ARID3B: variants seen among roughly 807,000 people sequenced by gnomAD.
The protein encoded by ARID3B is AT-rich interaction domain 3B.
In ARID3B, 10 loss-of-function variants were observed where a neutral mutation model predicts 51.9. That is an observed-to-expected ratio of 0.19 (90% confidence interval 0.12 to 0.33). ARID3B has a LOEUF of 0.33. Among genes scored for constraint, ARID3B ranks in the 10% least tolerant of loss-of-function variants. The pLI, the probability that ARID3B is intolerant of heterozygous loss-of-function variation, is 1.00. For synonymous variants in ARID3B, 205 were observed against 279.5 expected (o/e 0.73, Z 2.66); for missense variants, 483 against 716.3 (o/e 0.67, Z 3.72).
Position 74,591,680 on chromosome 15 carries a change from A to C in ARID3B, c.1286A>C (p.Glu429Ala). The change falls in exon 7 of 9, where the codon GAG (glutamate) becomes GCG (alanine). Residue 429 changes from glutamate to alanine, a missense_variant. By Grantham distance (107) the Glu-to-Ala change is moderately radical. This residue lies in a region of ARID3B where 265 missense variants were observed against 354.4 expected (regional missense o/e 0.75). Transcript: ENST00000346246. The surrounding 1 kb of genome is among the most constrained non-coding windows in gnomAD (Gnocchi z 5.8). ...AALEQLRERL[E>A]SGEPAEKKAS... ...CTGGAGCAGCTGCGGGAGCGGCTGG[A>C]GTCAGGGGAGCCTGCTGAGAAGAAG... is the stretch of plus-strand genomic sequence containing the variant. The C allele has an allele frequency of 6.2e-7, 1 of 1,610,760 alleles. No individual in the cohort carries two copies. The highest frequency in any genetic ancestry group is 8.5e-7 in the Non-Finnish European group (1 of 1,178,890).
intron 2 of ARID3B, among the ~76,000 whole-genome samples, chr15:74,569,352 A>G (rs977540463): frequency 6.6e-6 from 1 of 152,050 alleles, no homozygotes; most frequent in African/African-American, 2.4e-5. Flanking sequence ...TATTATTATT[A>G]TTATTATTAT....
At chr15:74,581,290 G>A (rs1342457709) in intron 4 of ARID3B, among the ~76,000 whole-genome samples, 1 of 152,228 alleles carries the variant, frequency 6.6e-6, no homozygotes, top group Non-Finnish European at 1.5e-5. Context: ...GGCTTGGTCT[G>A]CTTCAAAGTG....
chr15:74,590,081 G>C, intron 5 of ARID3B, 78 bp downstream of exon 5: 28 of 1,391,496 alleles, frequency 2.0e-5, no homozygotes, highest in Admixed American at 2.7e-5. Flanking sequence ...AGGAAGGAAG[G>C]AAATTCCTTT....
rs559653912 is a variant in ARID3B at position 74,572,944 on chromosome 15, C to T, written c.624+11C>T. The T allele has an allele frequency of 1.5e-4, 248 of 1,614,064 alleles. 6 individuals are homozygous for T. In the South Asian group the frequency reaches 1.7e-3, roughly 11 times the overall value. ...CGAGATTTTGCCAAGGTCTGTAATA[C>T]TTCCTTTGTGATACAGATAGGGGCA... On this transcript the variant is annotated intron_variant, in intron 3 of 8. Transcript: ENST00000346246.
chr15:74,560,221 T>C (rs1208173314), intron 2 of ARID3B, among the ~76,000 whole-genome samples: 1 of 151,354 alleles, frequency 6.6e-6, no homozygotes, highest in African/African-American at 2.4e-5. Context: ...AAAAAATTTA[T>C]ATACAATTTT....
In ARID3B at chr15:74,591,105, T is replaced by G; in HGVS notation, c.882-46T>G. 1 of 1,546,430 alleles carries G rather than the reference T, an allele frequency of 6.5e-7. No individual in the cohort carries two copies. ...CCACCAACCTCAACTGGGTGGTCTCTGGTGCTGTTTTGGATTATTCTCCCT... is the reference window on the plus strand; with the variant it reads ...CCACCAACCTCAACTGGGTGGTCTCGGGTGCTGTTTTGGATTATTCTCCCT... On this transcript the variant is annotated intron_variant, in intron 5 of 8. Coordinates refer to ENST00000346246, the MANE Select transcript of ARID3B (RefSeq NM_006465.4). The surrounding 1 kb of genome is among the most constrained non-coding windows in gnomAD (Gnocchi z 5.8).
At chr15:74,560,971 C>T (rs1370407347) in intron 2 of ARID3B, among the ~76,000 whole-genome samples, 1 of 152,094 alleles carries the variant, frequency 6.6e-6, no homozygotes, top group African/African-American at 2.4e-5. Flanking sequence ...TATTATCAGT[C>T]CTTTTATTTT....
At chr15:74,560,749 T>C (rs1470258872) in intron 2 of ARID3B, among the ~76,000 whole-genome samples, 3 of 152,162 alleles carry the variant, frequency 2.0e-5, no homozygotes, top group Non-Finnish European at 4.4e-5. Context: ...TCACAGAACA[T>C]GTGAGTGTGA....
chr15:74,578,048 A>G (rs1389082292), intron 4 of ARID3B, among the ~76,000 whole-genome samples: 1 of 151,586 alleles, frequency 6.6e-6, no homozygotes, highest in Non-Finnish European at 1.5e-5. Flanking sequence ...TAGTAAAAAC[A>G]GTTTCACCAT....
intron 4 of ARID3B, among the ~76,000 whole-genome samples, chr15:74,582,228 C>T (rs1036580687): frequency 2.6e-5 from 4 of 151,202 alleles, no homozygotes; most frequent in East Asian, 1.9e-4. Flanking sequence ...AGTGCAGTGG[C>T]GCGATTTCGG....
rs371493462 is a variant in ARID3B at position 74,544,216 on chromosome 15, G to A, written c.280G>A (p.Glu94Lys). The change falls in exon 2 of 9, where the codon GAG becomes AAG. Residue 94 changes from glutamate to lysine, a missense_variant. Physicochemically the swap from Glu to Lys is moderately conservative, Grantham distance 56 (BLOSUM62 1). This residue lies in a region of ARID3B where 182 missense variants were observed against 244.5 expected (regional missense o/e 0.74). Coordinates refer to ENST00000346246, the MANE Select transcript of ARID3B (RefSeq NM_006465.4). ...CAACATGAACTCAGAGCCTGAGGAA[G>A]AGGACGGAGGTTTGGAAGATGAGGA... ...RGNMNSEPEE[E>K]DGGLEDEDGD... The A allele has an allele frequency of 1.2e-6, 2 of 1,614,120 alleles. No homozygotes were observed. The highest frequency in any genetic ancestry group is 1.7e-6 in the Non-Finnish European group (2 of 1,179,926).
chr15:74,546,447 C>T (rs1450343454), intron 2 of ARID3B, among the ~76,000 whole-genome samples: 1 of 152,192 alleles, frequency 6.6e-6, no homozygotes, highest in Non-Finnish European at 1.5e-5. Flanking sequence ...AAGTGGAGCT[C>T]CAGAGCCTGT....
At chr15:74,574,191 A>G (rs1453475983) in intron 4 of ARID3B, 1 of 152,312 alleles carries the variant, frequency 6.6e-6, no homozygotes, top group Non-Finnish European at 1.5e-5. Context: ...GTATTCAGTC[A>G]TAGCAATGGG....
intron 4 of ARID3B, among the ~76,000 whole-genome samples, chr15:74,580,532 T>C (rs2061757915): frequency 6.6e-6 from 1 of 152,144 alleles, no homozygotes; most frequent in African/African-American, 2.4e-5. Flanking sequence ...CCATACACAT[T>C]ACAGAACCCT....
chr15:74,575,526 T>C (rs2061734447), intron 4 of ARID3B, among the ~76,000 whole-genome samples: 1 of 152,144 alleles, frequency 6.6e-6, no homozygotes, highest in African/African-American at 2.4e-5. Context: ...GAGGTTTGGG[T>C]GCATCTGTGT....
At chr15:74,595,507 G>T (rs892866787) in intron 8 of ARID3B, 104 bp from the exon 9 acceptor site, 145 of 1,296,526 alleles carry the variant, frequency 1.1e-4, no homozygotes, top group Admixed American at 1.7e-4. Flanking sequence ...TGTCTACAGC[G>T]GAGTCAGGCA....
intron 2 of ARID3B, among the ~76,000 whole-genome samples, chr15:74,556,779 T>TTTG (rs1393357586): frequency 6.8e-6 from 1 of 146,168 alleles, no homozygotes; most frequent in Admixed American, 6.8e-5. Context: ...GTTTTTTGTT[T>TTTG]TTTTTTTTTT....
chr15:74,591,238 C>T lies in ARID3B; in HGVS notation c.969C>T (p.Arg323=), dbSNP rs775820241. Residue 323 remains arginine, a synonymous_variant, in exon 6 of 9, where the codon CGC becomes CGT. Coordinates refer to ENST00000346246, the MANE Select transcript of ARID3B (RefSeq NM_006465.4). This position sits in a 1 kb window ranked among gnomAD's most constrained non-coding sequence, Gnocchi z 5.8. The part of the protein sequence containing the change: ...AELQAAIDGN[R]REGRRPSYSS... ...TCCAGGCAGCAATTGATGGCAACCG[C>T]AGGGAGGGCCGGCGGCCCAGCTACA... 1 of 1,613,958 alleles carries T rather than the reference C, an allele frequency of 6.2e-7. No homozygotes were observed. The highest frequency in any genetic ancestry group is 8.5e-7 in the Non-Finnish European group (1 of 1,179,864).
intron 4 of ARID3B, among the ~76,000 whole-genome samples, chr15:74,576,103 C>T (rs1371632019): frequency 6.6e-6 from 1 of 152,130 alleles, no homozygotes; most frequent in African/African-American, 2.4e-5. Flanking sequence ...CTATGTTGCC[C>T]AGGCTGGTAT....
Sources: allele counts gnomAD v4.1 joint callset (sites outside exome capture counted in the v4.1 genomes callset), GRCh38; gene constraint gnomAD v4.1.1; regional missense constraint gnomAD v4.1.1; non-coding constraint Gnocchi (gnomAD v3.1); transcripts MANE v1.5; gene names NCBI Gene and HGNC (gene_info 2026-07-23, HGNC 2026-07-21).